The following HEXB variants were observed in gnomAD, a reference collection of about 807,000 sequenced individuals.
HEXB encodes the protein beta-hexosaminidase subunit beta.
A neutral mutation model predicts 71.2 loss-of-function variants in HEXB; 51 were observed. The observed-to-expected ratio is 0.72, with a 90% CI of 0.57 to 0.90. HEXB has a LOEUF of 0.90. Among genes scored for constraint, HEXB ranks in the 40% least tolerant of loss-of-function variants. The pLI is 0.00. For missense variants in HEXB, 617 were observed against 677.0 expected (o/e 0.91, Z 0.98); for synonymous variants, 266 against 249.3 (o/e 1.07, Z -0.63).
Position 74,714,027 on chromosome 5 carries a change from G to C in HEXB, c.901+392G>C, listed in dbSNP as rs180811973. Among the ~76,000 whole-genome samples the C allele has an allele frequency of 4.7e-3, 723 of 152,296 alleles. 9 individuals carry two copies. Among genetic ancestry groups the C allele is most frequent in the African/African-American group, 0.016 (685 of 41,566 alleles). On this transcript the variant is annotated intron_variant, in intron 7 of 13. Coordinates refer to ENST00000261416, the MANE Select transcript of HEXB (RefSeq NM_000521.4). ...ATTTTTTGTATTTTTAGTAGAGACG[G>C]GGTTTCACCGTGTTACCCAGGATGG...
intron 2 of HEXB, 88 bp downstream of exon 2, chr5:74,689,561 A>G (rs921438372): frequency 9.6e-7 from 1 of 1,039,220 alleles, no homozygotes; most frequent in Non-Finnish European, 1.5e-6. Flanking sequence ...GCTAGGAACC[A>G]CTGAGTTCTC....
rs1748136301 is a variant in HEXB at position 74,652,477 on chromosome 5, A to T, written c.-377+11919A>T. On this transcript the variant is annotated intron_variant, in intron 1 of 13. Transcript: ENST00000511181. The surrounding 1 kb of genome is among the most constrained non-coding windows in gnomAD (Gnocchi z 5.4). ...ATTGCAGCCGCTCCCATGTGTTGGG[A>T]TGTTTTGCAAAATTTTTTACATTCA... 6.6e-6 allele frequency among the ~76,000 whole-genome samples: 1 copy of T among 152,180 alleles called. No homozygotes were observed. Among genetic ancestry groups the T allele is most frequent in the East Asian group, 1.9e-4 (1 of 5,202 alleles).
At chr5:74,661,190 T>C (rs543119976) in intron 1 of HEXB, among the ~76,000 whole-genome samples, 1 of 152,354 alleles carries the variant, frequency 6.6e-6, no homozygotes, top group African/African-American at 2.4e-5. Context: ...CAGTTGCTTC[T>C]GTAATAAGCA....
chr5:74,682,908 A>G (rs73117105), upstream of HEXB, among the ~76,000 whole-genome samples: 5 of 152,352 alleles, frequency 3.3e-5, no homozygotes, highest in African/African-American at 7.2e-5. Context: ...TAACAGATTT[A>G]TTTAATCAGT....
At chr5:74,686,156 C>CTTTT (rs1325414592) in intron 1 of HEXB, among the ~76,000 whole-genome samples, 1 of 151,290 alleles carries the variant, frequency 6.6e-6, no homozygotes. Flanking sequence ...CAGTATCCAA[C>CTTTT]TTTGTTTCTC....
intron 1 of HEXB, among the ~76,000 whole-genome samples, chr5:74,669,956 G>C (rs759726089): frequency 2.4e-4 from 36 of 152,172 alleles, no homozygotes; most frequent in Non-Finnish European, 4.9e-4. Flanking sequence ...ATAAAACTGT[G>C]GAAGACGTGT....
intron 6 of HEXB, among the ~76,000 whole-genome samples, chr5:74,709,678 A>G (rs1749490928): frequency 6.6e-6 from 1 of 152,374 alleles, no homozygotes; most frequent in African/African-American, 2.4e-5. Flanking sequence ...CAAATAAACT[A>G]GAAAATCTAG....
chr5:74,671,684 G>A (rs1472705582), intron 1 of HEXB, among the ~76,000 whole-genome samples: 3 of 152,156 alleles, frequency 2.0e-5, no homozygotes, highest in Non-Finnish European at 4.4e-5. Context: ...GCAATTTATT[G>A]TATGTCAATC....
At chr5:74,691,901 A>T (rs1271955642) in intron 2 of HEXB, among the ~76,000 whole-genome samples, 1 of 152,212 alleles carries the variant, frequency 6.6e-6, no homozygotes, top group East Asian at 1.9e-4. Flanking sequence ...CAGGGAAGTG[A>T]TCATTGTTAA....
intron 1 of HEXB, among the ~76,000 whole-genome samples, chr5:74,665,613 G>A (rs1182671397): frequency 6.6e-6 from 1 of 152,190 alleles, no homozygotes; most frequent in African/African-American, 2.4e-5. Context: ...GAGAAACTGG[G>A]AAGAAGTGAA....
At chr5:74,659,776 A>G (rs1217281257) in intron 1 of HEXB, among the ~76,000 whole-genome samples, 1 of 152,242 alleles carries the variant, frequency 6.6e-6, no homozygotes, top group African/African-American at 2.4e-5. Flanking sequence ...TTGCACATGA[A>G]GTGCTCTTCT....
chr5:74,653,296 T>C (rs1748156990), intron 1 of HEXB, among the ~76,000 whole-genome samples: 1 of 152,200 alleles, frequency 6.6e-6, no homozygotes, highest in African/African-American at 2.4e-5. Context: ...TAGCTGTCCC[T>C]CAATTTACAC....
Position 74,696,726 on chromosome 5 carries a change from A to G in HEXB, c.545A>G (p.Asp182Gly). The change falls in exon 4 of 14, where the codon GAT (aspartate) becomes GGT (glycine). Residue 182 changes from aspartate (D) to glycine (G), a missense_variant. Asp to Gly is a moderately conservative substitution (Grantham distance 94). Coordinates refer to ENST00000261416, the MANE Select transcript of HEXB (RefSeq NM_000521.4). ...ACCTTTAGCCAGTTAGTTTATCAAG[A>G]TTCTTATGGAACTGTAAGTATGATT... Reference protein sequence around the residue: ...LETFSQLVYQDSYGTFTINES... With the variant: ...LETFSQLVYQGSYGTFTINES... 1 of 1,443,604 alleles carries G rather than the reference A, an allele frequency of 6.9e-7. No homozygotes were observed. The highest frequency in any genetic ancestry group is 1.4e-5 in the African/African-American group (1 of 71,658). The allele number at this position is 1,443,604 out of a possible 1,614,324, so 89.4% of individuals were successfully genotyped here.
At chr5:74,700,001 C>CTTTTTTTTTTTTTT (rs58177670) in intron 5 of HEXB, among the ~76,000 whole-genome samples, 1 of 40,364 alleles carries the variant, frequency 2.5e-5, no homozygotes, top group Non-Finnish European at 4.3e-5. Flanking sequence ...TGTAAGTTTC[C>CTTTTTTTTTTTTTT]TTTTTTTTTT....
intron 1 of HEXB, among the ~76,000 whole-genome samples, chr5:74,673,257 C>T (rs1159897851): frequency 6.6e-6 from 1 of 152,214 alleles, no homozygotes; most frequent in Non-Finnish European, 1.5e-5. Flanking sequence ...CCCTTCTGGA[C>T]AGGCCAGTTT....
At chr5:74,640,410 C>A (rs968036376) in exon 1 of HEXB, 5 of 152,304 alleles carry the variant, frequency 3.3e-5, no homozygotes, top group African/African-American at 1.2e-4. Flanking sequence ...TGGCGAATGC[C>A]CCGGAGAAAG....
chr5:74,658,491 G>A (rs1748259932), intron 1 of HEXB, among the ~76,000 whole-genome samples: 1 of 152,076 alleles, frequency 6.6e-6, no homozygotes, highest in Non-Finnish European at 1.5e-5. Flanking sequence ...GTAACTGAGA[G>A]TAGAGGCTTT....
intron 1 of HEXB, among the ~76,000 whole-genome samples, chr5:74,674,552 T>C (rs1371420219): frequency 2.9e-5 from 4 of 139,662 alleles, no homozygotes; most frequent in East Asian, 2.1e-4. Flanking sequence ...TGCAGTGAGC[T>C]GAGATTGCGC....
rs1258632902 is a variant in HEXB at position 74,705,259 on chromosome 5, A to G, written c.710A>G (p.His237Arg). ...AFNKFNVLHW[H>R]IVDDQSFPYQ... ...AATAAGTTTAATGTTCTTCACTGGC[A>G]CATAGTTGATGACCAGTCTTTCCCA... is the stretch of plus-strand genomic sequence containing the variant. The change falls in exon 6 of 14, where the codon CAC becomes CGC. Residue 237 changes from histidine to arginine, a missense_variant. Transcript: ENST00000261416. The G allele has an allele frequency of 1.2e-6, 2 of 1,612,600 alleles. No homozygotes were observed. The highest frequency in any genetic ancestry group is 3.3e-5 in the Admixed American group (2 of 60,006).
Sources: allele counts gnomAD v4.1 joint callset (sites outside exome capture counted in the v4.1 genomes callset), GRCh38; gene constraint gnomAD v4.1.1; non-coding constraint Gnocchi (gnomAD v3.1); transcripts MANE v1.5; gene names NCBI Gene and HGNC (gene_info 2026-07-23, HGNC 2026-07-21).